SNAPC4: variants seen among roughly 807,000 people sequenced by gnomAD.
SNAPC4 encodes small nuclear RNA activating complex polypeptide 4.
SNAPC4 carries 127 observed loss-of-function variants against 151.3 expected under a neutral mutation model. The ratio of observed to expected loss-of-function variants is 0.84; its 90% CI spans 0.73 to 0.97. The LOEUF (loss-of-function observed/expected upper bound fraction) is 0.97, where lower values mean the gene tolerates loss of function less well. SNAPC4 is among the 50% of genes least tolerant of loss of function. The pLI is 0.00. For missense variants in SNAPC4, 2,186 were observed against 1,935.0 expected, an observed-to-expected ratio of 1.13 and a Z score of -2.43; for synonymous variants, 1,002 against 824.4, an observed-to-expected ratio of 1.22 and a Z score of -3.69.
rs754694065 is a variant in SNAPC4 at position 136,383,198 on chromosome 9, C to T, written c.1971G>A (p.Lys657=). 1 of 1,539,954 alleles carries T rather than the reference C, an allele frequency of 6.5e-7. No homozygotes were observed. Among genetic ancestry groups the T allele is most frequent in the South Asian group, 1.3e-5 (1 of 79,926 alleles). ...SADTRPAGAE[K]QALEGGRRLL... ...GGCCGGGGCCTACCTCCAGGGCCTGCTTCTCTGCGCCCGCCGGGCGAGTGT... is the reference window on the plus strand; with the variant it reads ...GGCCGGGGCCTACCTCCAGGGCCTGTTTCTCTGCGCCCGCCGGGCGAGTGT... Residue 657 remains lysine, a synonymous_variant, in exon 16 of 24, where the codon AAG becomes AAA. Coordinates refer to ENST00000684778, the MANE Select transcript of SNAPC4 (RefSeq NM_003086.4). The surrounding 1 kb of genome is among the most constrained non-coding windows in gnomAD (Gnocchi z 4.2).
chr9:136,399,965 C>A (rs1208710559), intron 1 of SNAPC4, among the ~76,000 whole-genome samples, 169 bp downstream of exon 1: 1 of 152,110 alleles, frequency 6.6e-6, no homozygotes, highest in African/African-American at 2.4e-5. Context: ...CGCGCCCAGG[C>A]TCGGCCGGAC....
Position 136,397,040 on chromosome 9 carries a change from C to G in SNAPC4, c.131-17G>C. On this transcript the variant is annotated splice_polypyrimidine_tract_variant and intron_variant, in intron 2 of 23. Coordinates refer to ENST00000684778, the MANE Select transcript of SNAPC4 (RefSeq NM_003086.4). The stretch of plus-strand genomic sequence containing the variant: ...GCAGTGAATCTGTCAGAAACACAAG[C>G]AACACCGTGTTGGTAACCAGCGTCT... 1 of 1,611,568 alleles carries G rather than the reference C, an allele frequency of 6.2e-7. No homozygotes were observed. Among genetic ancestry groups the G allele is most frequent in the Non-Finnish European group, 8.5e-7 (1 of 1,178,732 alleles).
chr9:136,394,169 C>T, intron 7 of SNAPC4, 80 bp downstream of exon 7: 1 of 1,140,348 alleles, frequency 8.8e-7, no homozygotes. Context: ...CCTGCCTTGG[C>T]CTCCCAAAGT....
Position 136,377,922 on chromosome 9 carries a change from G to A in SNAPC4, c.3905C>T (p.Pro1302Leu). ...VRVPLLGSRL[P>L]YQPPALCSLR... Reference sequence around the variant, plus strand: ...GCTGCACAGGGCTGGGGGCTGATAGGGCAGTCTGCTGCCCAGAAGAGGCAC... The same window carrying A: ...GCTGCACAGGGCTGGGGGCTGATAGAGCAGTCTGCTGCCCAGAAGAGGCAC... Residue 1302 changes from proline (P) to leucine (L), a missense_variant, in exon 22 of 24, where the codon CCC becomes CTC. Coordinates refer to ENST00000684778, the MANE Select transcript of SNAPC4 (RefSeq NM_003086.4). 6.2e-7 allele frequency: 1 copy of A among 1,610,094 alleles called. No homozygotes were observed. The highest frequency in any genetic ancestry group is 8.5e-7 in the Non-Finnish European group (1 of 1,179,104).
intron 1 of SNAPC4, among the ~76,000 whole-genome samples, chr9:136,399,485 C>T (rs2131527945): frequency 6.6e-6 from 1 of 152,356 alleles, no homozygotes; most frequent in Middle Eastern, 3.4e-3. Flanking sequence ...TCACACGAGG[C>T]TGCTGCCTCC....
chr9:136,399,907 G>A (rs2131529371), intron 1 of SNAPC4, among the ~76,000 whole-genome samples: 1 of 152,224 alleles, frequency 6.6e-6, no homozygotes. Context: ...CCTCCTCGGA[G>A]CCCGCAGCCC....
rs1458587951 is a variant in SNAPC4 at position 136,392,103 on chromosome 9, C to G, written c.814G>C (p.Glu272Gln). ...DWEKISNINF[E>Q]GSRSAEEIRK... ...ATCTCCTCTGCACTGCGGCTGCCTT[C>G]AAACTGCACCGACAGAGACACTCAG... The change falls in exon 10 of 24, where the codon GAA becomes CAA. Residue 272 changes from glutamate to glutamine, a missense_variant. Coordinates refer to ENST00000684778, the MANE Select transcript of SNAPC4 (RefSeq NM_003086.4). 1 of 1,611,770 alleles carries G rather than the reference C, an allele frequency of 6.2e-7. No homozygotes were observed. The highest frequency in any genetic ancestry group is 1.7e-5 in the Admixed American group (1 of 60,012).
At chr9:136,385,938 C>T (rs999235439) in intron 13 of SNAPC4, among the ~76,000 whole-genome samples, 2 of 152,064 alleles carry the variant, frequency 1.3e-5, no homozygotes, top group Admixed American at 6.6e-5. Flanking sequence ...GGGCTGCTTC[C>T]GGCCTTTCAC....
chr9:136,386,351 G>A (rs1217556599), intron 13 of SNAPC4, among the ~76,000 whole-genome samples: 2 of 151,002 alleles, frequency 1.3e-5, no homozygotes, highest in Non-Finnish European at 2.9e-5. Flanking sequence ...GTGATGAAAT[G>A]TTTTACAATT....
chr9:136,381,249 C>T lies in SNAPC4; in HGVS notation c.2388+73G>A, dbSNP rs879155023. 1.4e-4 allele frequency: 165 copies of T among 1,166,524 alleles called. 1 individual carries two copies. The South Asian group carries it at 2.0e-3, about 14-fold the overall frequency. The allele number at this position is 1,166,524 out of a possible 1,614,324, so 72.3% of individuals were successfully genotyped here. On this transcript the variant is annotated intron_variant, in intron 19 of 23. Transcript: ENST00000684778. ...AGCTAGACTTTAAGGAATGAATCTA[C>T]TGCAGATTTCAAAACTTCACCAAAA...
At chr9:136,379,813 A>G in intron 21 of SNAPC4, 24 bp downstream of exon 21, 1 of 1,609,872 alleles carries the variant, frequency 6.2e-7, no homozygotes, top group Non-Finnish European at 8.5e-7. Context: ...TCTCTTCCCC[A>G]CCAGGGCAGA....
At position 136,383,646 on chromosome 9, in the gene SNAPC4, C is replaced by T. The variant is rs145651274; in HGVS notation, c.1523G>A (p.Arg508Gln). ...GACGCTGTGACGGGCCCTCCGCCGC[C>T]GCCTCCGGAGACCCTGCTTCTTCTG... ...MMGKKQGLRR[R>Q]RRRARHSVRW... Residue 508 changes from arginine to glutamine, a missense_variant, in exon 16 of 24, where the codon CGG becomes CAG. Physicochemically the swap from Arg to Gln is conservative, Grantham distance 43. Transcript: ENST00000684778. This position sits in a 1 kb window ranked among gnomAD's most constrained non-coding sequence, Gnocchi z 4.2. The T allele has an allele frequency of 2.4e-5, 38 of 1,607,718 alleles. No homozygotes were observed. The East Asian group carries it at 2.9e-4, about 12-fold the overall frequency.
Position 136,376,247 on chromosome 9 carries a change from T to C in SNAPC4, c.*7+102A>G, listed in dbSNP as rs1833440144. The stretch of plus-strand genomic sequence containing the variant: ...TGCCCACCTAACCCAGCACACCTGC[T>C]GTGAGCGCCAAAGAGCCGAGCAGAG... On this transcript the variant is annotated intron_variant, in intron 23 of 23. Coordinates refer to ENST00000684778, the MANE Select transcript of SNAPC4 (RefSeq NM_003086.4). The C allele has an allele frequency of 4.3e-6, 6 of 1,405,298 alleles. No homozygotes were observed. In the South Asian group the frequency reaches 7.6e-5, roughly 18 times the overall value. The allele number at this position is 1,405,298 out of a possible 1,614,324, so 87.1% of individuals were successfully genotyped here. A position where few individuals can be genotyped will look rare whatever the true frequency, so the allele number is the denominator to read the frequency against.
intron 13 of SNAPC4, among the ~76,000 whole-genome samples, chr9:136,386,765 A>AT (rs1554780396): frequency 6.8e-6 from 1 of 147,034 alleles, no homozygotes; most frequent in Non-Finnish European, 1.5e-5. Flanking sequence ...ATTAATTAAT[A>AT]TTTTTTTGAG....
At position 136,391,934 on chromosome 9, in the gene SNAPC4, G is replaced by A. The variant is rs1007800446; in HGVS notation, c.975+8C>T. The A allele has an allele frequency of 6.2e-7, 1 of 1,600,226 alleles. No individual in the cohort carries two copies. Among genetic ancestry groups the A allele is most frequent in the Non-Finnish European group, 8.5e-7 (1 of 1,179,692 alleles). ...TCCTGGCCCCTGGGGTCCAGGCCAG[G>A]CCCTTACCCCCAGCTCCTCTGCAAT... On this transcript the variant is annotated splice_region_variant and intron_variant, in intron 10 of 23. Coordinates refer to ENST00000684778, the MANE Select transcript of SNAPC4 (RefSeq NM_003086.4).
At chr9:136,381,450 T>G (rs1451736638) in intron 18 of SNAPC4, 58 bp from the exon 19 acceptor site, 5 of 1,473,330 alleles carry the variant, frequency 3.4e-6, no homozygotes, top group Non-Finnish European at 4.7e-6. Flanking sequence ...CACAGGGGGA[T>G]GGGTGGAAAG....
chr9:136,395,727 G>A lies in SNAPC4; in HGVS notation c.221C>T (p.Pro74Leu), dbSNP rs756797933. The stretch of plus-strand genomic sequence containing the variant: ...GTCTTCAGGGAGGGTTTTATCCTTG[G>A]GATCGTCCTCGTCATTGCTGGCTTC... ...WGEASNDEDD[P>L]KDKTLPEDPE... is the part of the protein sequence containing the mutation. Residue 74 changes from proline (P) to leucine (L), a missense_variant, in exon 4 of 24, where the codon CCC (proline) becomes CTC (leucine). Pro to Leu is a moderately conservative substitution (Grantham distance 98, BLOSUM62 -3). Transcript: ENST00000684778. The A allele has an allele frequency of 1.2e-6, 2 of 1,613,538 alleles. No individual in the cohort carries two copies. Among genetic ancestry groups the A allele is most frequent in the South Asian group, 2.2e-5 (2 of 91,090 alleles).
intron 14 of SNAPC4, 117 bp from the exon 15 acceptor site, chr9:136,384,149 C>G: frequency 1.3e-6 from 1 of 752,572 alleles, no homozygotes; most frequent in Admixed American, 2.8e-5. Flanking sequence ...CCTGTGCACT[C>G]TCACGCTGGG....
Position 136,398,307 on chromosome 9 carries a change from G to A in SNAPC4, c.122C>T (p.Ser41Phe), listed in dbSNP as rs368301524. 6.2e-7 allele frequency: 1 copy of A among 1,612,680 alleles called. No homozygotes were observed. The highest frequency in any genetic ancestry group is 8.5e-7 in the Non-Finnish European group (1 of 1,179,290). The change falls in exon 2 of 24, where the codon TCT (serine) becomes TTT (phenylalanine). Residue 41 changes from serine (S) to phenylalanine (F), a missense_variant. Physicochemically the swap from Ser to Phe is radical, Grantham distance 155. Transcript: ENST00000684778. ...EISESSLESD[S>F]EADSLPSEDL... The stretch of plus-strand genomic sequence containing the variant: ...AGGTACAAGGGGCTTACCTGCTTCA[G>A]AATCTGACTCGAGACTTGATTCTGA...
Sources: allele counts gnomAD v4.1 joint callset (sites outside exome capture counted in the v4.1 genomes callset), GRCh38; gene constraint gnomAD v4.1.1; non-coding constraint Gnocchi (gnomAD v3.1); transcripts MANE v1.5; gene names NCBI Gene and HGNC (gene_info 2026-07-23, HGNC 2026-07-21).